Variants in SCRG1 observed in about 807,000 individuals in gnomAD.
The protein encoded by SCRG1 is stimulator of chondrogenesis 1.
In SCRG1, 3 loss-of-function variants were observed where a neutral mutation model predicts 7.7. The observed-to-expected ratio is 0.39, with a 90% CI of 0.18 to 1.01. SCRG1 has a LOEUF of 1.01. Among genes scored for constraint, SCRG1 ranks in the 50% least tolerant of loss-of-function variants. The pLI, the probability that SCRG1 is intolerant of heterozygous loss-of-function variation, is 0.36. For synonymous variants in SCRG1, 46 were observed against 41.2 expected, an observed-to-expected ratio of 1.12 and a Z score of -0.44; for missense variants, 110 against 117.2, an observed-to-expected ratio of 0.94 and a Z score of 0.28.
the SCRG1 span, among the ~76,000 whole-genome samples, chr4:173,491,568 A>T: frequency 6.8e-4 from 103 of 152,354 alleles, no homozygotes; most frequent in African/African-American, 2.2e-3. Context: ...CTCAGGAACA[A>T]TTGAAGAGTC....
At chr4:173,458,837 C>CATGACCCA in the SCRG1 span, among the ~76,000 whole-genome samples, 1 of 151,752 alleles carries the variant, frequency 6.6e-6, no homozygotes, top group Non-Finnish European at 1.5e-5. Flanking sequence ...GAAAAAAAAA[C>CATGACCCA]ATGACCCACC....
the SCRG1 span, among the ~76,000 whole-genome samples, chr4:173,498,504 G>T: frequency 1.4e-4 from 21 of 152,200 alleles, no homozygotes; most frequent in Non-Finnish European, 2.5e-4. Context: ...TCTGTGAGAT[G>T]AAGGGGCTGA....
At chr4:173,402,452 T>C (rs1220184308), upstream of SCRG1, among the ~76,000 whole-genome samples, 1 of 14,026 alleles carries the variant, frequency 7.1e-5, no homozygotes, top group East Asian at 6.8e-3. Flanking sequence ...AGTATTTCTT[T>C]TTAAAAAAAA....
the SCRG1 span, among the ~76,000 whole-genome samples, chr4:173,484,462 ACATATAATATATAATATATAT>A: frequency 9.6e-4 from 20 of 20,930 alleles, no homozygotes; most frequent in African/African-American, 2.0e-3. Context: ...TATATTATAT[ACATATAATATATAATATATAT>A]TATATACATA....
chr4:173,407,974 G>T, upstream of SCRG1, among the ~76,000 whole-genome samples: 1 of 152,030 alleles, frequency 6.6e-6, no homozygotes, highest in East Asian at 1.9e-4. Context: ...TTACATATTT[G>T]GAAATCTAAA....
the SCRG1 span, among the ~76,000 whole-genome samples, chr4:173,423,669 A>T: frequency 1.1e-4 from 16 of 150,858 alleles, no homozygotes; most frequent in South Asian, 2.3e-3. Flanking sequence ...TTTTTTTTTA[A>T]TTTTTTTTTT....
chr4:173,483,217 A>ATG, the SCRG1 span, among the ~76,000 whole-genome samples: 1 of 75,948 alleles, frequency 1.3e-5, no homozygotes, highest in Non-Finnish European at 2.2e-5. Flanking sequence ...TATATCATAT[A>ATG]ATATATATAT....
chr4:173,472,640 A>T, the SCRG1 span, among the ~76,000 whole-genome samples: 1 of 152,184 alleles, frequency 6.6e-6, no homozygotes. Context: ...GGAAAATCCG[A>T]TGTCCCAGCT....
At chr4:173,391,070 A>G in intron 2 of SCRG1, 103 bp downstream of exon 2, 2 of 1,201,052 alleles carry the variant, frequency 1.7e-6, no homozygotes, top group African/African-American at 1.5e-5. Flanking sequence ...ACAGGATTTT[A>G]CTAAAAGGGT....
the SCRG1 span, among the ~76,000 whole-genome samples, chr4:173,476,794 C>G: frequency 6.6e-6 from 1 of 151,836 alleles, no homozygotes; most frequent in African/African-American, 2.4e-5. Context: ...GCACTCCAGC[C>G]TGGGTGACAG....
the SCRG1 span, among the ~76,000 whole-genome samples, chr4:173,491,575 A>G: frequency 4.6e-5 from 7 of 152,212 alleles, no homozygotes; most frequent in Non-Finnish European, 1.0e-4. Flanking sequence ...ACAATTGAAG[A>G]GTCAAGGAAT....
At chr4:173,426,959 AG>A in the SCRG1 span, among the ~76,000 whole-genome samples, 22 of 152,218 alleles carry the variant, frequency 1.4e-4, no homozygotes, top group African/African-American at 5.3e-4. Context: ...TGTGAGGAGG[AG>A]GATTTTGCAA....
At chr4:173,476,363 A>ATATAT in the SCRG1 span, among the ~76,000 whole-genome samples, 22 of 98,506 alleles carry the variant, frequency 2.2e-4, 1 homozygote, top group African/African-American at 5.3e-4. Context: ...GGAAAAAAAA[A>ATATAT]ATATATATAT....
At chr4:173,420,597 CACAA>C in the SCRG1 span, among the ~76,000 whole-genome samples, 157 of 151,502 alleles carry the variant, frequency 1.0e-3, no homozygotes, top group Non-Finnish European at 1.4e-3. Context: ...TGGATTACCG[CACAA>C]ACAATTTGGC....
chr4:173,384,888 G>A lies in SCRG1; in HGVS notation c.*3453C>T, dbSNP rs190824902. On this transcript the variant is annotated 3_prime_UTR_variant, in exon 3 of 3. Coordinates refer to ENST00000296506, the MANE Select transcript of SCRG1 (RefSeq NM_007281.4). The stretch of plus-strand genomic sequence containing the variant: ...TATGAGCTATCTGAAATGTACAATT[G>A]TGTGTCCTATCCATGTAAAAGTTTG... The A allele has an allele frequency of 1.3e-3, 194 of 152,214 alleles. No homozygotes were observed. Among genetic ancestry groups the A allele is most frequent in the African/African-American group, 4.4e-3 (183 of 41,540 alleles). 9.4% of individuals were successfully genotyped at this position (152,214 alleles called of 1,614,324 possible). A position where few individuals can be genotyped will look rare whatever the true frequency, so the allele number is the denominator to read the frequency against.
chr4:173,515,255 GC>G, the SCRG1 span, among the ~76,000 whole-genome samples: 5 of 152,148 alleles, frequency 3.3e-5, no homozygotes, highest in South Asian at 2.1e-4. The surrounding 1 kb of genome is among the most constrained non-coding windows in gnomAD (Gnocchi z 4.6). Flanking sequence ...ATTACCCCCT[GC>G]CCCCCGCCAA....
the SCRG1 span, among the ~76,000 whole-genome samples, chr4:173,424,481 T>C: frequency 6.6e-6 from 1 of 152,198 alleles, no homozygotes; most frequent in Admixed American, 6.5e-5. Context: ...AAGCAGATGA[T>C]ATAAACCTTG....
At chr4:173,517,353 A>G in the SCRG1 span, among the ~76,000 whole-genome samples, 3 of 152,252 alleles carry the variant, frequency 2.0e-5, no homozygotes, top group African/African-American at 7.2e-5. Flanking sequence ...GGGCAGTGAA[A>G]AGAAAAGCTG....
At chr4:173,389,873 G>A (rs1004673688) in intron 2 of SCRG1, 2 of 434,874 alleles carry the variant, frequency 4.6e-6, no homozygotes, top group Non-Finnish European at 9.4e-6. Context: ...TTTCTTAGAA[G>A]GATGAAAATA....
Sources: gnomAD v4.1 joint callset for allele counts (sites outside exome capture counted in the v4.1 genomes callset) on GRCh38, gnomAD v4.1.1 for gene constraint, Gnocchi (gnomAD v3.1) non-coding constraint, MANE v1.5 for transcripts, NCBI Gene and HGNC (gene_info 2026-07-23, HGNC 2026-07-21) for gene names.